CNTN4: variants seen among roughly 807,000 people sequenced by gnomAD.
The protein encoded by CNTN4 is contactin 4.
In CNTN4, 77 loss-of-function variants were observed where a neutral mutation model predicts 122.5. The observed-to-expected ratio is 0.63, with a 90% CI of 0.52 to 0.76. CNTN4 has a LOEUF of 0.76. Ranked by LOEUF, CNTN4 falls within the 30% of genes least tolerant of loss-of-function variation. The pLI, the probability that CNTN4 is intolerant of heterozygous loss-of-function variation, is 0.00. For missense variants in CNTN4, 1,256 were observed against 1,259.1 expected, an observed-to-expected ratio of 1.00 and a Z score of 0.04; for synonymous variants, 512 against 447.0, an observed-to-expected ratio of 1.15 and a Z score of -1.83.
chr3:2,655,657 C>G (rs1397732977), intron 4 of CNTN4, among the ~76,000 whole-genome samples: 4 of 152,040 alleles, frequency 2.6e-5, no homozygotes, highest in Non-Finnish European at 4.4e-5. Context: ...AGTGACATAC[C>G]TGACTTCTCT....
At chr3:2,546,448 G>GAAC (rs1216677425) in intron 3 of CNTN4, among the ~76,000 whole-genome samples, 5 of 152,034 alleles carry the variant, frequency 3.3e-5, no homozygotes, top group Non-Finnish European at 7.4e-5. Flanking sequence ...ACTTATAAGT[G>GAAC]AACACATGGA....
At chr3:2,852,721 G>A (rs568001047) in intron 7 of CNTN4, among the ~76,000 whole-genome samples, 66 of 152,108 alleles carry the variant, frequency 4.3e-4, no homozygotes, top group South Asian at 1.0e-3. Context: ...GACCATGTAC[G>A]TCTAACCCCA....
At chr3:2,505,013 T>G (rs2149030394) in intron 3 of CNTN4, among the ~76,000 whole-genome samples, 1 of 152,270 alleles carries the variant, frequency 6.6e-6, no homozygotes, top group South Asian at 2.1e-4. Flanking sequence ...ATAAAGGATG[T>G]TATTGGATCG....
intron 4 of CNTN4, among the ~76,000 whole-genome samples, chr3:2,638,497 T>C (rs531119776): frequency 6.6e-6 from 1 of 152,340 alleles, no homozygotes; most frequent in African/African-American, 2.4e-5. Context: ...TTTATCTTTT[T>C]TTTTTTACTT....
intron 2 of CNTN4, among the ~76,000 whole-genome samples, chr3:2,187,286 T>C (rs930544476): frequency 6.6e-6 from 1 of 152,228 alleles, no homozygotes; most frequent in African/African-American, 2.4e-5. Flanking sequence ...CATTGATCTA[T>C]ATCTCTGTTT....
chr3:2,223,041 T>G (rs548594118), intron 2 of CNTN4, among the ~76,000 whole-genome samples: 5 of 152,316 alleles, frequency 3.3e-5, no homozygotes, highest in African/African-American at 9.6e-5. Context: ...TTTGCATTCT[T>G]TGGATGCGAA....
intron 3 of CNTN4, among the ~76,000 whole-genome samples, chr3:2,470,547 T>G (rs578215780): frequency 3.0e-4 from 46 of 152,292 alleles, no homozygotes; most frequent in Non-Finnish European, 4.1e-4. Flanking sequence ...ACTTCACATA[T>G]AGTCTCATTT....
At chr3:2,683,327 TACACACACACACAC>T (rs10601751) in intron 4 of CNTN4, among the ~76,000 whole-genome samples, 1 of 149,270 alleles carries the variant, frequency 6.7e-6, no homozygotes, top group African/African-American at 2.5e-5. Context: ...TGCACACATG[TACACACACACACAC>T]ACACACACAC....
At chr3:2,781,418 C>T (rs1000555703) in intron 6 of CNTN4, among the ~76,000 whole-genome samples, 3 of 150,688 alleles carry the variant, frequency 2.0e-5, no homozygotes, top group Admixed American at 2.0e-4. Flanking sequence ...AGGATATATG[C>T]GTGAGTGAGC....
At chr3:2,272,449 A>T (rs1000961954) in intron 2 of CNTN4, among the ~76,000 whole-genome samples, 1 of 152,334 alleles carries the variant, frequency 6.6e-6, no homozygotes, top group Non-Finnish European at 1.5e-5. Flanking sequence ...GTTTAAAGTC[A>T]TTGAATAGAG....
intron 3 of CNTN4, among the ~76,000 whole-genome samples, chr3:2,349,471 TTTAGAGTA>T (rs747856991): frequency 4.6e-5 from 7 of 152,176 alleles, no homozygotes; most frequent in African/African-American, 9.7e-5. Flanking sequence ...TGTAATTCCC[TTTAGAGTA>T]TCCTCTTTAA....
At chr3:2,143,122 C>T (rs1212465053) in intron 2 of CNTN4, among the ~76,000 whole-genome samples, 3 of 152,212 alleles carry the variant, frequency 2.0e-5, no homozygotes, top group Non-Finnish European at 4.4e-5. Flanking sequence ...TGCAGCCTTG[C>T]TGACCATTTC....
chr3:2,592,585 C>A (rs1050335015), intron 4 of CNTN4, among the ~76,000 whole-genome samples: 3 of 152,200 alleles, frequency 2.0e-5, no homozygotes, highest in African/African-American at 7.2e-5. Context: ...TTTCTCTGCA[C>A]AAACTCTCTC....
chr3:2,342,203 T>C (rs1468101213), intron 3 of CNTN4, among the ~76,000 whole-genome samples: 2 of 152,176 alleles, frequency 1.3e-5, no homozygotes, highest in Non-Finnish European at 2.9e-5. Flanking sequence ...TTTTTACACA[T>C]CTGTAAAATG....
At chr3:2,133,993 A>G (rs2034570121) in intron 2 of CNTN4, among the ~76,000 whole-genome samples, 1 of 152,182 alleles carries the variant, frequency 6.6e-6, no homozygotes, top group Non-Finnish European at 1.5e-5. Context: ...ATGAAAGGCA[A>G]TCATTTTAAA....
chr3:2,822,312 T>C (rs1253676800), intron 7 of CNTN4, among the ~76,000 whole-genome samples: 3 of 152,262 alleles, frequency 2.0e-5, no homozygotes, highest in African/African-American at 7.2e-5. Flanking sequence ...TATGCCTCAC[T>C]CTGCCTGTCT....
At chr3:2,653,569 T>G (rs1000535824) in intron 4 of CNTN4, among the ~76,000 whole-genome samples, 2 of 152,198 alleles carry the variant, frequency 1.3e-5, no homozygotes, top group Non-Finnish European at 2.9e-5. Flanking sequence ...TAAAGATTGG[T>G]CTTTTCACTG....
intron 12 of CNTN4, among the ~76,000 whole-genome samples, chr3:2,903,267 C>T (rs902267133): frequency 6.6e-6 from 1 of 152,174 alleles, no homozygotes; most frequent in Non-Finnish European, 1.5e-5. Context: ...GACTGCACTT[C>T]TAAATTGAGC....
chr3:2,365,359 G>A (rs979772890), intron 3 of CNTN4, among the ~76,000 whole-genome samples: 10 of 152,158 alleles, frequency 6.6e-5, no homozygotes, highest in African/African-American at 2.4e-4. Context: ...TTGACATTCA[G>A]CATGCTTCAT....
Sources: gnomAD v4.1 joint callset for allele counts (sites outside exome capture counted in the v4.1 genomes callset) on GRCh38, gnomAD v4.1.1 for gene constraint, MANE v1.5 for transcripts, NCBI Gene and HGNC (gene_info 2026-07-23, HGNC 2026-07-21) for gene names.